The following MPPED2 variants were observed in gnomAD, a reference collection of about 807,000 sequenced individuals.
The protein encoded by MPPED2 is metallophosphoesterase MPPED2.
A neutral mutation model predicts 33.0 loss-of-function variants in MPPED2; 5 were observed. The observed-to-expected ratio is 0.15, with a 90% CI of 0.08 to 0.32. The LOEUF (loss-of-function observed/expected upper bound fraction) is 0.32, where lower values mean the gene tolerates loss of function less well. Among genes scored for constraint, MPPED2 ranks in the 10% least tolerant of loss-of-function variants. The pLI is 1.00. For synonymous variants in MPPED2, 136 were observed against 141.9 expected, an observed-to-expected ratio of 0.96 and a Z score of 0.29; for missense variants, 275 against 372.1, an observed-to-expected ratio of 0.74 and a Z score of 2.15.
At chr11:30,465,194 C>A (rs769040718) in intron 4 of MPPED2, among the ~76,000 whole-genome samples, 22 of 152,154 alleles carry the variant, frequency 1.4e-4, no homozygotes, top group Non-Finnish European at 3.2e-4. Context: ...GCTGGTGAGG[C>A]TGTAATATAA....
intron 3 of MPPED2, chr11:30,504,692 C>T (rs1283767169): frequency 7.2e-6 from 7 of 977,850 alleles, no homozygotes; most frequent in Non-Finnish European, 9.9e-6. Context: ...CGTCAGGCTC[C>T]ATTAATTTTC....
intron 3 of MPPED2, among the ~76,000 whole-genome samples, chr11:30,496,667 T>C (rs1263464848): frequency 5.7e-5 from 8 of 139,372 alleles, no homozygotes; most frequent in Admixed American, 1.6e-4. Context: ...AGAGTCTCAA[T>C]GATTTCATTA....
At chr11:30,577,311 A>T (rs1956973351) in intron 2 of MPPED2, among the ~76,000 whole-genome samples, 1 of 152,228 alleles carries the variant, frequency 6.6e-6, no homozygotes. Flanking sequence ...AGGCTGTAGA[A>T]AAGAAAGTAA....
intron 2 of MPPED2, among the ~76,000 whole-genome samples, chr11:30,559,839 T>A (rs1483373987): frequency 1.3e-5 from 2 of 152,214 alleles, no homozygotes; most frequent in African/African-American, 4.8e-5. Context: ...TTTTTGAAAA[T>A]AGTCTTCACA....
chr11:30,413,293 T>C (rs1948195076), intron 6 of MPPED2, among the ~76,000 whole-genome samples: 1 of 152,232 alleles, frequency 6.6e-6, no homozygotes. Context: ...TATTCATAAG[T>C]AACTCCAGAG....
intron 2 of MPPED2, among the ~76,000 whole-genome samples, chr11:30,556,481 A>G (rs890706744): frequency 6.6e-6 from 1 of 152,210 alleles, no homozygotes; most frequent in Non-Finnish European, 1.5e-5. Context: ...TCAATTCCAC[A>G]TGGTTTTATC....
intron 4 of MPPED2, among the ~76,000 whole-genome samples, chr11:30,436,677 G>A (rs561081144): frequency 1.3e-5 from 2 of 152,272 alleles, no homozygotes; most frequent in East Asian, 1.9e-4. Flanking sequence ...CTGCTTTGAT[G>A]TTTTAGCCTG....
At chr11:30,425,247 G>A (rs1339953215) in intron 4 of MPPED2, among the ~76,000 whole-genome samples, 1 of 152,086 alleles carries the variant, frequency 6.6e-6, no homozygotes, top group African/African-American at 2.4e-5. Flanking sequence ...CACACCCGCT[G>A]TGTCCCTTTT....
At chr11:30,556,151 A>G (rs979447346) in intron 2 of MPPED2, among the ~76,000 whole-genome samples, 3 of 152,204 alleles carry the variant, frequency 2.0e-5, no homozygotes, top group Admixed American at 1.3e-4. Flanking sequence ...GGGAACTAAT[A>G]ATACAAAGAA....
chr11:30,506,497 A>T (rs1393025014), intron 3 of MPPED2, among the ~76,000 whole-genome samples: 1 of 152,236 alleles, frequency 6.6e-6, no homozygotes, highest in East Asian at 1.9e-4. Flanking sequence ...TGATGAGATG[A>T]AGAATGATAT....
At chr11:30,456,471 G>C (rs1035329669) in intron 4 of MPPED2, among the ~76,000 whole-genome samples, 1 of 152,112 alleles carries the variant, frequency 6.6e-6, no homozygotes, top group Non-Finnish European at 1.5e-5. Context: ...CACTTGGGCG[G>C]TAAAGCAGAG....
chr11:30,507,134 T>C (rs1465909284), intron 3 of MPPED2, among the ~76,000 whole-genome samples: 1 of 152,268 alleles, frequency 6.6e-6, no homozygotes, highest in Non-Finnish European at 1.5e-5. Context: ...ATTTACATGG[T>C]ACTTTTGTCA....
chr11:30,422,560 A>C (rs572380953), intron 4 of MPPED2, among the ~76,000 whole-genome samples: 1 of 152,270 alleles, frequency 6.6e-6, no homozygotes, highest in East Asian at 1.9e-4. Flanking sequence ...CCCAGCAGTG[A>C]GCCCATCAGG....
chr11:30,387,941 G>A (rs1261771182), exon 7 of MPPED2: 5 of 152,222 alleles, frequency 3.3e-5, no homozygotes, highest in African/African-American at 1.2e-4. Flanking sequence ...TGCTGGCTTT[G>A]TAGGAGGAAG....
At chr11:30,391,113 A>T (rs1399066242) in intron 6 of MPPED2, among the ~76,000 whole-genome samples, 2 of 152,178 alleles carry the variant, frequency 1.3e-5, no homozygotes, top group African/African-American at 2.4e-5. Context: ...TAGATTGCAG[A>T]TCCCAGAAGT....
At chr11:30,439,079 G>T (rs868249754) in intron 4 of MPPED2, among the ~76,000 whole-genome samples, 2 of 152,184 alleles carry the variant, frequency 1.3e-5, no homozygotes, top group South Asian at 2.1e-4. Flanking sequence ...AAGAAGACAG[G>T]TAGGACTAAA....
At chr11:30,504,850 A>G (rs1225567106) in intron 3 of MPPED2, 1 of 1,220,760 alleles carries the variant, frequency 8.2e-7, no homozygotes, top group Non-Finnish European at 1.1e-6. Context: ...AATATTAAAC[A>G]CAGAAAACTA....
At chr11:30,524,551 G>A (rs1023316513) in intron 3 of MPPED2, among the ~76,000 whole-genome samples, 9 of 152,198 alleles carry the variant, frequency 5.9e-5, no homozygotes, top group Admixed American at 5.9e-4. Context: ...CAGCCTCAGA[G>A]TGTTGTGAGG....
chr11:30,519,806 T>A (rs1953752245), intron 3 of MPPED2, among the ~76,000 whole-genome samples: 1 of 152,054 alleles, frequency 6.6e-6, no homozygotes, highest in Non-Finnish European at 1.5e-5. Context: ...ACCACTAACA[T>A]TATTATATGC....
Sources: gnomAD v4.1 joint callset for allele counts (sites outside exome capture counted in the v4.1 genomes callset) on GRCh38, gnomAD v4.1.1 for gene constraint, MANE v1.5 for transcripts, NCBI Gene and HGNC (gene_info 2026-07-23, HGNC 2026-07-21) for gene names.